BLTP3A: variants seen among roughly 807,000 people sequenced by gnomAD.
The protein encoded by BLTP3A is ICBP90 binding protein 1.
At chr6:34,859,064 T>A in the BLTP3A span, 24 of 1,614,060 alleles carry the variant, frequency 1.5e-5, no homozygotes, top group Middle Eastern at 1.2e-3. Context: ...AGCACTAGCC[T>A]CGTAGATTCA....
chr6:34,836,311 C>T, the BLTP3A span: 1 of 1,614,162 alleles, frequency 6.2e-7, no homozygotes, highest in Non-Finnish European at 8.5e-7. Flanking sequence ...CCCGCCTGGA[C>T]CTGCACATTT....
At chr6:34,833,920 CAAAAA>C in the BLTP3A span, among the ~76,000 whole-genome samples, 6 of 45,060 alleles carry the variant, frequency 1.3e-4, no homozygotes, top group South Asian at 9.1e-4. Flanking sequence ...GACTCCGTCT[CAAAAA>C]AAAAAAAAAA....
the BLTP3A span, among the ~76,000 whole-genome samples, chr6:34,801,701 TTTTA>T: frequency 7.7e-3 from 1,158 of 150,934 alleles, 15 homozygotes; most frequent in African/African-American, 0.024. Flanking sequence ...CACAGCTTTA[TTTTA>T]TTTATTTATT....
the BLTP3A span, among the ~76,000 whole-genome samples, chr6:34,796,820 T>C: frequency 6.6e-6 from 1 of 152,206 alleles, no homozygotes; most frequent in Non-Finnish European, 1.5e-5. Flanking sequence ...TTTTCCTGCC[T>C]CATCCTCCCG....
At chr6:34,872,085 T>G in the BLTP3A span, among the ~76,000 whole-genome samples, 1 of 152,272 alleles carries the variant, frequency 6.6e-6, no homozygotes, top group South Asian at 2.1e-4. Flanking sequence ...AAGTGCTGAC[T>G]AGAGGATAAA....
the BLTP3A span, among the ~76,000 whole-genome samples, chr6:34,793,322 G>A: frequency 6.6e-6 from 1 of 152,178 alleles, no homozygotes; most frequent in African/African-American, 2.4e-5. Flanking sequence ...ACCTTAACCA[G>A]CCTTTGTATC....
At chr6:34,801,408 A>G in the BLTP3A span, among the ~76,000 whole-genome samples, 3 of 152,022 alleles carry the variant, frequency 2.0e-5, no homozygotes, top group Admixed American at 2.0e-4. Flanking sequence ...GGAGCTGGGG[A>G]GAGGGGGGAA....
At chr6:34,806,014 T>A in the BLTP3A span, among the ~76,000 whole-genome samples, 4 of 151,992 alleles carry the variant, frequency 2.6e-5, no homozygotes, top group Non-Finnish European at 5.9e-5. Context: ...ACAAAGAAAT[T>A]TATTTTCATA....
chr6:34,810,018 A>C, the BLTP3A span, among the ~76,000 whole-genome samples: 1 of 152,336 alleles, frequency 6.6e-6, no homozygotes, highest in South Asian at 2.1e-4. Context: ...AGATAAATAC[A>C]TTTACAGTTT....
chr6:34,847,777 TTTCA>T, the BLTP3A span, among the ~76,000 whole-genome samples: 1 of 151,170 alleles, frequency 6.6e-6, no homozygotes, highest in African/African-American at 2.4e-5. Context: ...TTTTTTTCAA[TTTCA>T]TTTATTTCTG....
the BLTP3A span, chr6:34,821,595 A>G: frequency 6.7e-7 from 1 of 1,491,556 alleles, no homozygotes; most frequent in Non-Finnish European, 9.1e-7. Flanking sequence ...TTTTGGCTGT[A>G]ATACCCAATT....
At chr6:34,875,013 G>A in the BLTP3A span, 1 of 152,622 alleles carries the variant, frequency 6.6e-6, no homozygotes, top group South Asian at 2.1e-4. Flanking sequence ...TCAAGAGCAA[G>A]GACCCGGTCC....
chr6:34,841,949 T>C, the BLTP3A span, among the ~76,000 whole-genome samples: 1 of 152,218 alleles, frequency 6.6e-6, no homozygotes, highest in African/African-American at 2.4e-5. Flanking sequence ...TTTCTCTTTT[T>C]TAAGGGCAGG....
chr6:34,836,130 C>G, the BLTP3A span: 1 of 1,605,908 alleles, frequency 6.2e-7, no homozygotes. Context: ...GTCTGGACTT[C>G]CTGTTTCTCT....
chr6:34,870,860 G>A, the BLTP3A span: 1 of 1,614,074 alleles, frequency 6.2e-7, no homozygotes, highest in Non-Finnish European at 8.5e-7. Context: ...AAAGGTACAT[G>A]CTTTCAGGAA....
the BLTP3A span, among the ~76,000 whole-genome samples, chr6:34,824,558 CAA>C: frequency 9.3e-6 from 1 of 107,160 alleles, no homozygotes; most frequent in Non-Finnish European, 2.0e-5. Flanking sequence ...AACTCCATCT[CAA>C]AAAAAAAAAA....
the BLTP3A span, among the ~76,000 whole-genome samples, chr6:34,849,573 G>A: frequency 6.6e-6 from 1 of 152,010 alleles, no homozygotes; most frequent in Admixed American, 6.6e-5. Flanking sequence ...TCATCTTTTA[G>A]TCTTTCTATT....
the BLTP3A span, among the ~76,000 whole-genome samples, chr6:34,814,325 T>A: frequency 1.3e-5 from 2 of 152,142 alleles, no homozygotes; most frequent in African/African-American, 4.8e-5. Flanking sequence ...CATCTTTTAT[T>A]TTTTTTAACC....
At chr6:34,857,824 C>T in the BLTP3A span, 1 of 1,614,152 alleles carries the variant, frequency 6.2e-7, no homozygotes, top group Non-Finnish European at 8.5e-7. Flanking sequence ...ATTTATACCG[C>T]AGCTTGGAGC....
Sources: allele counts gnomAD v4.1 joint callset (sites outside exome capture counted in the v4.1 genomes callset), GRCh38; gene constraint gnomAD v4.1.1; transcripts MANE v1.5; gene names NCBI Gene and HGNC (gene_info 2026-07-23, HGNC 2026-07-21).